The following SEMA6D variants were observed in gnomAD, a reference collection of about 807,000 sequenced individuals.
SEMA6D encodes the protein semaphorin-6D.
SEMA6D carries 35 observed loss-of-function variants against 106.6 expected under a neutral mutation model. The ratio of observed to expected loss-of-function variants is 0.33; its 90% confidence interval spans 0.25 to 0.44. The LOEUF is 0.44. SEMA6D is among the 20% of genes least tolerant of loss of function. SEMA6D has a pLI of 1.00. For synonymous variants in SEMA6D, 499 were observed against 487.7 expected, an observed-to-expected ratio of 1.02 and a Z score of -0.31; for missense variants, 1,185 against 1,345.9, an observed-to-expected ratio of 0.88 and a Z score of 1.87.
intron 7 of SEMA6D, 56 bp from the exon 8 acceptor site, chr15:47,762,144 T>C: frequency 6.2e-7 from 1 of 1,608,876 alleles, no homozygotes. Flanking sequence ...CTGCCAAAGC[T>C]AACACACTGC....
intron 2 of SEMA6D, among the ~76,000 whole-genome samples, chr15:47,447,107 C>G (rs1337434960): frequency 6.6e-6 from 1 of 152,122 alleles, no homozygotes; most frequent in Non-Finnish European, 1.5e-5. Context: ...GGCACGTGCT[C>G]TCCTCCAGTG....
chr15:47,251,917 T>TGAGTGTTGGGA (rs1341336955), intron 1 of SEMA6D, among the ~76,000 whole-genome samples: 1 of 130,918 alleles, frequency 7.6e-6, no homozygotes, highest in Non-Finnish European at 1.6e-5. Flanking sequence ...ATTTTTTTTT[T>TGAGTGTTGGGA]TTTTTTTTTT....
intron 1 of SEMA6D, among the ~76,000 whole-genome samples, chr15:47,327,800 T>C (rs1384766496): frequency 2.0e-5 from 3 of 152,142 alleles, no homozygotes; most frequent in Non-Finnish European, 2.9e-5. Flanking sequence ...TCAGGAGTGC[T>C]TTGCAGGCAA....
chr15:47,588,735 A>C (rs1402781316), intron 3 of SEMA6D, among the ~76,000 whole-genome samples: 1 of 152,178 alleles, frequency 6.6e-6, no homozygotes, highest in Non-Finnish European at 1.5e-5. Flanking sequence ...GGGGTTTAGA[A>C]GGCAGTTACA....
chr15:47,578,330 G>T (rs2076192634), intron 3 of SEMA6D, among the ~76,000 whole-genome samples: 1 of 152,234 alleles, frequency 6.6e-6, no homozygotes, highest in Non-Finnish European at 1.5e-5. Context: ...GTTTACCCTT[G>T]TTCTGATCAT....
At chr15:47,342,700 C>T (rs886494722) in intron 1 of SEMA6D, among the ~76,000 whole-genome samples, 7 of 152,002 alleles carry the variant, frequency 4.6e-5, no homozygotes, top group African/African-American at 9.7e-5. Flanking sequence ...TACACTAAAT[C>T]GCTCAAATTA....
At chr15:47,684,140 A>T (rs997208603) in intron 4 of SEMA6D, among the ~76,000 whole-genome samples, 3 of 152,192 alleles carry the variant, frequency 2.0e-5, no homozygotes, top group Non-Finnish European at 4.4e-5. Flanking sequence ...TCCTAAGGCT[A>T]CATCAAACAC....
intron 1 of SEMA6D, among the ~76,000 whole-genome samples, chr15:47,747,453 T>G (rs1303101019): frequency 6.6e-6 from 1 of 152,238 alleles, no homozygotes; most frequent in Non-Finnish European, 1.5e-5. Context: ...GATATTGGTG[T>G]GCTTTGCTTT....
At chr15:47,380,078 G>C (rs1196719374) in intron 1 of SEMA6D, among the ~76,000 whole-genome samples, 1 of 152,116 alleles carries the variant, frequency 6.6e-6, no homozygotes, top group Non-Finnish European at 1.5e-5. Flanking sequence ...TGTAGCCTGG[G>C]TAAGTTTCAC....
intron 3 of SEMA6D, among the ~76,000 whole-genome samples, chr15:47,488,509 T>G (rs147150529): frequency 1.9e-3 from 283 of 152,186 alleles, no homozygotes; most frequent in African/African-American, 6.6e-3. Flanking sequence ...CCATAGTACA[T>G]AGTATGTACT....
chr15:47,476,977 A>C (rs2043020772), intron 3 of SEMA6D, among the ~76,000 whole-genome samples: 1 of 152,230 alleles, frequency 6.6e-6, no homozygotes, highest in Admixed American at 6.5e-5. Context: ...ACTTATGAAA[A>C]GTCCGTGGTG....
chr15:47,225,078 T>G (rs1003020633), intron 1 of SEMA6D, among the ~76,000 whole-genome samples: 1 of 151,990 alleles, frequency 6.6e-6, no homozygotes, highest in Non-Finnish European at 1.5e-5. Flanking sequence ...CTTACAGTCT[T>G]CTCAGATTTG....
Position 47,770,843 on chromosome 15 carries a change from C to T in SEMA6D, c.2280C>T (p.Asp760=). ...PNGDTKSMVM[D]HRGQPPELAA... ...GAGATACTAAATCCATGGTAATGGA[C>T]CATCGAGGGCAACCTCCAGAGTTGG... Residue 760 remains aspartate (D), a synonymous_variant, in exon 19 of 19, where the codon GAC becomes GAT. Transcript: ENST00000536845. The T allele has an allele frequency of 6.2e-7, 1 of 1,613,974 alleles. No individual in the cohort carries two copies. Among genetic ancestry groups the T allele is most frequent in the Non-Finnish European group, 8.5e-7 (1 of 1,179,960 alleles).
intron 1 of SEMA6D, among the ~76,000 whole-genome samples, chr15:47,379,204 A>G (rs557272232): frequency 8.5e-5 from 13 of 152,352 alleles, no homozygotes; most frequent in African/African-American, 3.1e-4. Flanking sequence ...CCAAATTTTT[A>G]TAGCTTTTGG....
intron 9 of SEMA6D, 37 bp downstream of exon 9, chr15:47,763,141 A>C: frequency 6.7e-7 from 1 of 1,500,828 alleles, no homozygotes; most frequent in East Asian, 2.3e-5. Flanking sequence ...GTGGACTTGT[A>C]CTGCATGAAA....
chr15:47,222,807 C>G (rs766988718), intron 1 of SEMA6D, among the ~76,000 whole-genome samples: 1 of 152,126 alleles, frequency 6.6e-6, no homozygotes, highest in Non-Finnish European at 1.5e-5. Flanking sequence ...CTGTGCTCTT[C>G]GAGAGTGACA....
chr15:47,564,083 A>G (rs2046158526), intron 3 of SEMA6D, among the ~76,000 whole-genome samples: 1 of 152,244 alleles, frequency 6.6e-6, no homozygotes, highest in Admixed American at 6.5e-5. Flanking sequence ...GACATTTCCA[A>G]ACAATCATCA....
At chr15:47,715,057 A>T (rs1174471281), upstream of SEMA6D, among the ~76,000 whole-genome samples, 1 of 152,212 alleles carries the variant, frequency 6.6e-6, no homozygotes, top group East Asian at 1.9e-4. Flanking sequence ...TGCCCATGGT[A>T]GGGGCTAGTG....
chr15:47,190,193 A>G (rs1893866657), intron 1 of SEMA6D, among the ~76,000 whole-genome samples: 1 of 152,178 alleles, frequency 6.6e-6, no homozygotes, highest in South Asian at 2.1e-4. Context: ...AATGACCCCT[A>G]AGAGATTTGG....
Sources: gnomAD v4.1 joint callset for allele counts (sites outside exome capture counted in the v4.1 genomes callset) on GRCh38, gnomAD v4.1.1 for gene constraint, MANE v1.5 for transcripts, NCBI Gene and HGNC (gene_info 2026-07-23, HGNC 2026-07-21) for gene names.